Variants in N4BP2 observed in about 807,000 individuals in gnomAD.
N4BP2 encodes the protein NEDD4-binding protein 2.
N4BP2 carries 91 observed loss-of-function variants against 152.8 expected under a neutral mutation model. That is an observed-to-expected ratio of 0.60 (90% CI 0.50 to 0.71). The LOEUF (loss-of-function observed/expected upper bound fraction) is 0.71. Among genes scored for constraint, N4BP2 ranks in the 30% least tolerant of loss-of-function variants. The probability of loss-of-function intolerance (pLI) is 0.00; values close to 1 mark genes in which losing one functional copy is unlikely to be tolerated. For synonymous variants in N4BP2, 646 were observed against 705.3 expected, an observed-to-expected ratio of 0.92 and a Z score of 1.33; for missense variants, 1,923 against 2,059.1, an observed-to-expected ratio of 0.93 and a Z score of 1.28.
the N4BP2 span, among the ~76,000 whole-genome samples, chr4:40,177,740 T>A: frequency 6.6e-6 from 1 of 152,326 alleles, no homozygotes; most frequent in South Asian, 2.1e-4. Flanking sequence ...AGATCCCTCA[T>A]TTGTAGAGTG....
At chr4:40,143,323 TA>T (rs199593882) in intron 15 of N4BP2, among the ~76,000 whole-genome samples, 2 of 152,190 alleles carry the variant, frequency 1.3e-5, no homozygotes, top group Non-Finnish European at 2.9e-5. Flanking sequence ...TTTATTTATT[TA>T]TTTTTTTAAG....
chr4:40,132,400 C>A (rs764721205), intron 13 of N4BP2, among the ~76,000 whole-genome samples: 2 of 151,966 alleles, frequency 1.3e-5, no homozygotes, highest in Non-Finnish European at 2.9e-5. Flanking sequence ...TTTTAAATGT[C>A]TACCTTTTTA....
At chr4:40,160,267 C>G (rs138796419), downstream of N4BP2, among the ~76,000 whole-genome samples, 2 of 152,170 alleles carry the variant, frequency 1.3e-5, no homozygotes, top group Non-Finnish European at 2.9e-5. Flanking sequence ...TACATTAGCC[C>G]GCCCTATTTA....
chr4:40,106,537 T>C (rs1410965884), intron 4 of N4BP2, among the ~76,000 whole-genome samples: 1 of 152,088 alleles, frequency 6.6e-6, no homozygotes, highest in Non-Finnish European at 1.5e-5. Context: ...GGCTGATTTT[T>C]ACTCTTTTAT....
At chr4:40,116,079 TAA>T (rs1717311965) in intron 7 of N4BP2, among the ~76,000 whole-genome samples, 2 of 152,182 alleles carry the variant, frequency 1.3e-5, no homozygotes, top group Non-Finnish European at 2.9e-5. Context: ...ATTTTTGTTG[TAA>T]AGTGTAATTT....
intron 1 of N4BP2, among the ~76,000 whole-genome samples, chr4:40,065,537 GA>G (rs1315313759): frequency 3.3e-5 from 5 of 152,108 alleles, no homozygotes; most frequent in African/African-American, 1.2e-4. Context: ...GGGCCAGACA[GA>G]AAAAAACCAG....
chr4:40,124,213 ACATGTTTT>A lies in N4BP2; in HGVS notation c.4330+9_4330+16del. The A allele has an allele frequency of 6.3e-7, 1 of 1,595,244 alleles. No individual in the cohort carries two copies. Among genetic ancestry groups the A allele is most frequent in the African/African-American group, 1.3e-5 (1 of 74,838 alleles). ...GTGGCAAGTTTATGCAAGGTAAAGC[ACATGTTTT>A]TATTTCTAATGTCTTAATGTTGAAA... On this transcript the variant is annotated intron_variant, in intron 11 of 17. Coordinates refer to ENST00000261435, the MANE Select transcript of N4BP2 (RefSeq NM_018177.6).
At chr4:40,151,792 A>G (rs772481752) in intron 16 of N4BP2, among the ~76,000 whole-genome samples, 11 of 152,208 alleles carry the variant, frequency 7.2e-5, no homozygotes, top group Non-Finnish European at 1.5e-4. Flanking sequence ...GAGATCATAG[A>G]CAAGGAATTA....
At chr4:40,185,275 A>G in the N4BP2 span, among the ~76,000 whole-genome samples, 1 of 152,120 alleles carries the variant, frequency 6.6e-6, no homozygotes, top group Non-Finnish European at 1.5e-5. Flanking sequence ...CACTTTTCTC[A>G]TTTACAAAGT....
intron 2 of N4BP2, among the ~76,000 whole-genome samples, chr4:40,076,264 T>G (rs1423746624): frequency 6.6e-6 from 1 of 152,052 alleles, no homozygotes; most frequent in Non-Finnish European, 1.5e-5. Flanking sequence ...TCACTTGAGG[T>G]CAAGAGTTCG....
intron 16 of N4BP2, among the ~76,000 whole-genome samples, chr4:40,148,651 AATTTTT>A (rs1187098485): frequency 6.6e-6 from 1 of 152,100 alleles, no homozygotes; most frequent in Non-Finnish European, 1.5e-5. Flanking sequence ...TTTTTAATTA[AATTTTT>A]ATTTTTATTT....
intron 5 of N4BP2, among the ~76,000 whole-genome samples, chr4:40,109,146 G>A (rs1716622103): frequency 6.6e-6 from 1 of 152,050 alleles, no homozygotes; most frequent in Non-Finnish European, 1.5e-5. Context: ...TACTGTAAAG[G>A]TGATTCTTGG....
chr4:40,074,807 GA>G (rs1712562773), intron 2 of N4BP2, among the ~76,000 whole-genome samples: 1 of 151,848 alleles, frequency 6.6e-6, no homozygotes, highest in African/African-American at 2.4e-5. Flanking sequence ...AGGAGTTTGA[GA>G]CCAGCCTGGC....
intron 2 of N4BP2, among the ~76,000 whole-genome samples, chr4:40,080,432 C>T (rs1414810215): frequency 1.3e-5 from 2 of 151,108 alleles, no homozygotes; most frequent in Non-Finnish European, 2.9e-5. Flanking sequence ...ACTGCAACCA[C>T]TGTCTTCTAG....
chr4:40,092,844 G>A lies in N4BP2; in HGVS notation c.-114-4383G>A, dbSNP rs1017782018. ...TTTTTAGTAGAGACGGGGTTTCACC[G>A]TATTGGGCAGACTGGTCTCGAACTC... On this transcript the variant is annotated intron_variant, in intron 2 of 17. Coordinates refer to ENST00000261435, the MANE Select transcript of N4BP2 (RefSeq NM_018177.6). Among the ~76,000 whole-genome samples, 17 of 151,426 alleles carry A rather than the reference G, an allele frequency of 1.1e-4. No homozygotes were observed. In the East Asian group the frequency reaches 1.4e-3, roughly 12 times the overall value.
chr4:40,189,915 GAC>G, the N4BP2 span, among the ~76,000 whole-genome samples: 2 of 138,962 alleles, frequency 1.4e-5, no homozygotes, highest in South Asian at 4.7e-4. The surrounding 1 kb of genome is among the most constrained non-coding windows in gnomAD (Gnocchi z 4.3). Flanking sequence ...CACACACACA[GAC>G]ACATACACAC....
At chr4:40,112,274 C>T (rs1297922419) in intron 6 of N4BP2, 102 bp downstream of exon 6, 1 of 711,700 alleles carries the variant, frequency 1.4e-6, no homozygotes, top group East Asian at 2.9e-5. Flanking sequence ...ATCTCAGAAC[C>T]TTGGATAGTC....
At chr4:40,141,364 C>T (rs536735413) in intron 14 of N4BP2, among the ~76,000 whole-genome samples, 107 of 151,246 alleles carry the variant, frequency 7.1e-4, no homozygotes, top group African/African-American at 2.6e-3. Flanking sequence ...CTCCTCACTT[C>T]TCAGACGGGG....
intron 7 of N4BP2, among the ~76,000 whole-genome samples, 165 bp downstream of exon 7, chr4:40,113,673 C>T (rs933391370): frequency 5.3e-5 from 8 of 152,078 alleles, no homozygotes; most frequent in Admixed American, 2.0e-4. Context: ...CTTTGTGTTT[C>T]TAAAATTGAG....
Sources: gnomAD v4.1 joint callset for allele counts (sites outside exome capture counted in the v4.1 genomes callset) on GRCh38, gnomAD v4.1.1 for gene constraint, Gnocchi (gnomAD v3.1) non-coding constraint, MANE v1.5 for transcripts, NCBI Gene and HGNC (gene_info 2026-07-23, HGNC 2026-07-21) for gene names.